ECE1: variants seen among roughly 807,000 people sequenced by gnomAD.
The protein encoded by ECE1 is endothelin converting enzyme 1.
ECE1 carries 35 observed loss-of-function variants against 98.6 expected under a neutral mutation model. The observed-to-expected ratio is 0.35, with a 90% CI of 0.27 to 0.47. The LOEUF (loss-of-function observed/expected upper bound fraction) is 0.47, where lower values mean the gene tolerates loss of function less well. ECE1 is among the 20% of genes least tolerant of loss of function. ECE1 has a pLI of 1.00. For missense variants in ECE1, 814 were observed against 1,025.3 expected (o/e 0.79, Z 2.81); for synonymous variants, 394 against 407.1 (o/e 0.97, Z 0.39).
At position 21,272,985 on chromosome 1, in the gene ECE1, G is replaced by A. The variant is rs530940730; in HGVS notation, c.281-74C>T. On this transcript the variant is annotated intron_variant, in intron 3 of 18. Coordinates refer to ENST00000374893, the MANE Select transcript of ECE1 (RefSeq NM_001397.3). ...GCAGGGAGGGCAGAGAAGGGGGCTT[G>A]GGGCCCAGGGGCCACATGTCCCACC... The A allele has an allele frequency of 5.4e-4, 828 of 1,527,576 alleles. 1 individual carries two copies. The highest frequency in any genetic ancestry group is 7.2e-4 in the Non-Finnish European group (802 of 1,109,416). The allele number at this position is 1,527,576 out of a possible 1,614,324, so 94.6% of individuals were successfully genotyped here.
At position 21,219,950 on chromosome 1, in the gene ECE1, C is replaced by T. The variant is rs2098165274; in HGVS notation, c.*5G>A. On this transcript the variant is annotated 3_prime_UTR_variant, in exon 19 of 19. Coordinates refer to ENST00000374893, the MANE Select transcript of ECE1 (RefSeq NM_001397.3). This position sits in a 1 kb window ranked among gnomAD's most constrained non-coding sequence, Gnocchi z 4.5. Reference sequence around the variant, plus strand: ...TCCTCCGTCTTGGCTCTCTCCGCTTCGTCCTTACCAGACTTCGCACTTGTG... The same window carrying T: ...TCCTCCGTCTTGGCTCTCTCCGCTTTGTCCTTACCAGACTTCGCACTTGTG... 2.5e-6 allele frequency: 4 copies of T among 1,614,198 alleles called. No individual in the cohort carries two copies. Among genetic ancestry groups the T allele is most frequent in the East Asian group, 2.2e-5 (1 of 44,882 alleles).
intron 10 of ECE1, among the ~76,000 whole-genome samples, chr1:21,244,268 T>C (rs1469591373): frequency 2.0e-5 from 3 of 152,140 alleles, no homozygotes; most frequent in Non-Finnish European, 4.4e-5. Flanking sequence ...CGAGAACTGG[T>C]CATTTCCTAT....
chr1:21,319,593 C>G lies in ECE1; in HGVS notation c.3+25783G>C, dbSNP rs1249608696. Among the ~76,000 whole-genome samples the G allele has an allele frequency of 6.6e-6, 1 of 152,100 alleles. No homozygotes were observed. Among genetic ancestry groups the G allele is most frequent in the Non-Finnish European group, 1.5e-5 (1 of 68,010 alleles). On this transcript the variant is annotated intron_variant, in intron 1 of 18. Transcript: ENST00000415912. The surrounding 1 kb of genome is among the most constrained non-coding windows in gnomAD (Gnocchi z 4.4). ...GCTCCTGGCCTTCCTGGGAGCCCTC[C>G]AAGCCAGCAGCTGTGCCCTCCCCTC...
At chr1:21,286,072 A>G (rs2098260236) in intron 2 of ECE1, among the ~76,000 whole-genome samples, 1 of 152,190 alleles carries the variant, frequency 6.6e-6, no homozygotes, top group Admixed American at 6.6e-5. Context: ...TAAGAATTTA[A>G]TATCTCACCT....
At chr1:21,284,817 C>T (rs1420480254) in intron 2 of ECE1, among the ~76,000 whole-genome samples, 2 of 152,198 alleles carry the variant, frequency 1.3e-5, no homozygotes, top group Non-Finnish European at 2.9e-5. Flanking sequence ...ACCTGGGCTG[C>T]ACGAAGCAGC....
intron 8 of ECE1, among the ~76,000 whole-genome samples, chr1:21,249,999 G>A (rs1424564225): frequency 3.4e-5 from 5 of 147,660 alleles, no homozygotes; most frequent in African/African-American, 5.0e-5. Flanking sequence ...GACTGGTCTC[G>A]AACTCCTGAC....
intron 1 of ECE1, among the ~76,000 whole-genome samples, chr1:21,309,145 T>C (rs1558426488): frequency 1.3e-5 from 2 of 152,040 alleles, no homozygotes; most frequent in Admixed American, 6.5e-5. Context: ...GGTTCCAGAG[T>C]TCTAGGGCCA....
At position 21,344,730 on chromosome 1, in the gene ECE1, C is replaced by T. The variant is rs76984231; in HGVS notation, c.3+646G>A. On this transcript the variant is annotated intron_variant, in intron 1 of 18. Transcript: ENST00000415912. Reference sequence around the variant, plus strand: ...GCAAGCCCCTCCTCTGAGGACCCATCACCGGGAGATGCTGGGGAGACCGGA... The same window carrying T: ...GCAAGCCCCTCCTCTGAGGACCCATTACCGGGAGATGCTGGGGAGACCGGA... Among the ~76,000 whole-genome samples the T allele has an allele frequency of 7.4e-3, 1,131 of 152,352 alleles. 15 individuals carry two copies. Among genetic ancestry groups the T allele is most frequent in the African/African-American group, 0.026 (1,089 of 41,582 alleles).
upstream of ECE1, chr1:21,294,158 G>A (rs984683716): frequency 6.6e-6 from 1 of 152,604 alleles, no homozygotes; most frequent in African/African-American, 2.4e-5. This position sits in a 1 kb window ranked among gnomAD's most constrained non-coding sequence, Gnocchi z 4.2. Context: ...TCGAACCTGG[G>A]TCCTGGACTC....
rs995405995 is a variant in ECE1 at position 21,263,664 on chromosome 1, T to C, written c.494-3272A>G. Among the ~76,000 whole-genome samples, 4 of 23,690 alleles carry C rather than the reference T, an allele frequency of 1.7e-4. No individual in the cohort carries two copies. The African/African-American group carries it at 3.1e-3, about 18-fold the overall frequency. The allele number at this position is 23,690 out of a possible 152,430, so 15.5% of individuals were successfully genotyped here. ...CCACCATGCTTGGCCAAGATTCCCT[T>C]TTTTTTTTTAAAGGAAATCGGGCAG... On this transcript the variant is annotated intron_variant, in intron 4 of 18. Transcript: ENST00000374893.
chr1:21,316,025 G>A (rs1380184283), intron 1 of ECE1, among the ~76,000 whole-genome samples: 7 of 152,284 alleles, frequency 4.6e-5, no homozygotes, highest in African/African-American at 7.2e-5. Context: ...GACTGAGTGC[G>A]GCTGTGTAAG....
Position 21,290,317 on chromosome 1 carries a change from G to C in ECE1, c.51+47C>G, listed in dbSNP as rs2098265344. 1 of 1,227,948 alleles carries C rather than the reference G, an allele frequency of 8.1e-7. No individual in the cohort carries two copies. Among genetic ancestry groups the C allele is most frequent in the African/African-American group, 1.6e-5 (1 of 63,188 alleles). The allele number at this position is 1,227,948 out of a possible 1,614,324, so 76.1% of individuals were successfully genotyped here. Reference sequence around the variant, plus strand: ...CACGGAGCGGCCCGCGCGGGGAGGGGTCCCGCCCGCCTCCCGCCCCCGCCC... The same window carrying C: ...CACGGAGCGGCCCGCGCGGGGAGGGCTCCCGCCCGCCTCCCGCCCCCGCCC... On this transcript the variant is annotated intron_variant, in intron 1 of 18. Transcript: ENST00000374893. This position sits in a 1 kb window ranked among gnomAD's most constrained non-coding sequence, Gnocchi z 7.3.
chr1:21,290,079 G>GT lies in ECE1; in HGVS notation c.128dup (p.Asn43LysfsTer82). On this transcript the variant is annotated frameshift_variant, in exon 2 of 19. Transcript: ENST00000374893. LOFTEE classifies it high-confidence loss of function. This position sits in a 1 kb window ranked among gnomAD's most constrained non-coding sequence, Gnocchi z 7.3. ...AGCGGAGGGCGCCTACCTGCAGGCC[G>GT]TTGGGGTATGCGTCGCCCTCGGAGA... 1.3e-6 allele frequency: 2 copies of GT among 1,514,218 alleles called. No individual in the cohort carries two copies. The highest frequency in any genetic ancestry group is 1.8e-6 in the Non-Finnish European group (2 of 1,127,484). 93.8% of individuals were successfully genotyped at this position (1,514,218 alleles called of 1,614,324 possible). A position where few individuals can be genotyped will look rare whatever the true frequency, so the allele number is the denominator to read the frequency against.
chr1:21,262,221 G>C (rs2098227925), intron 4 of ECE1, among the ~76,000 whole-genome samples: 3 of 152,166 alleles, frequency 2.0e-5, no homozygotes, highest in African/African-American at 7.2e-5. Flanking sequence ...TGAACGAGGG[G>C]CTATGGAGGG....
At chr1:21,232,248 T>A (rs577402445) in intron 14 of ECE1, among the ~76,000 whole-genome samples, 1 of 152,194 alleles carries the variant, frequency 6.6e-6, no homozygotes, top group South Asian at 2.1e-4. Context: ...GACTGAAGAC[T>A]GGAACTGGGC....
chr1:21,290,931 T>C (rs1008302188), upstream of ECE1, among the ~76,000 whole-genome samples: 1 of 152,118 alleles, frequency 6.6e-6, no homozygotes, highest in African/African-American at 2.4e-5. The surrounding 1 kb of genome is among the most constrained non-coding windows in gnomAD (Gnocchi z 7.3). Context: ...TCAGAAAATT[T>C]CAGAGAACTC....
intron 1 of ECE1, among the ~76,000 whole-genome samples, chr1:21,311,574 G>A (rs370593278): frequency 3.8e-4 from 57 of 150,572 alleles, no homozygotes; most frequent in East Asian, 2.9e-3. Context: ...CAGCACTTTC[G>A]GAGGTCGAGG....
intron 1 of ECE1, among the ~76,000 whole-genome samples, chr1:21,336,882 T>A (rs773839042): frequency 3.3e-5 from 5 of 149,388 alleles, no homozygotes; most frequent in Non-Finnish European, 5.9e-5. Flanking sequence ...AAAGAAAAAA[T>A]TTGCCTGGTG....
At chr1:21,247,185 G>C (rs1450415743) in intron 9 of ECE1, 36 bp downstream of exon 9, 2 of 1,613,852 alleles carry the variant, frequency 1.2e-6, no homozygotes, top group Non-Finnish European at 1.7e-6. Flanking sequence ...GGCTGTCTGT[G>C]AGAGGCGTGC....
Sources: allele counts gnomAD v4.1 joint callset (sites outside exome capture counted in the v4.1 genomes callset), GRCh38; gene constraint gnomAD v4.1.1; non-coding constraint Gnocchi (gnomAD v3.1); transcripts MANE v1.5; gene names NCBI Gene and HGNC (gene_info 2026-07-23, HGNC 2026-07-21).